Variants in MECOM observed in about 807,000 individuals in gnomAD.
MECOM encodes histone-lysine N-methyltransferase MECOM.
Under a neutral mutation model 116.3 loss-of-function variants are expected in MECOM, and 13 were observed. The observed-to-expected ratio is 0.11, with a 90% CI of 0.07 to 0.18. The LOEUF is 0.18. Among genes scored for constraint, MECOM ranks in the 10% least tolerant of loss-of-function variants. The pLI, the probability that MECOM is intolerant of heterozygous loss-of-function variation, is 1.00. For missense variants in MECOM, 1,299 were observed against 1,509.0 expected, an observed-to-expected ratio of 0.86 and a Z score of 2.31; for synonymous variants, 528 against 535.2, an observed-to-expected ratio of 0.99 and a Z score of 0.19.
At chr3:169,267,706 A>G (rs1271450056) in intron 2 of MECOM, among the ~76,000 whole-genome samples, 1 of 152,138 alleles carries the variant, frequency 6.6e-6, no homozygotes, top group East Asian at 1.9e-4. Flanking sequence ...TCCTTCCTGA[A>G]TACTACTGGG....
intron 2 of MECOM, among the ~76,000 whole-genome samples, chr3:169,285,849 T>G (rs1218436690): frequency 2.0e-5 from 3 of 152,200 alleles, no homozygotes; most frequent in African/African-American, 7.2e-5. Flanking sequence ...AGTAACATGT[T>G]TGCTTCAGGC....
At chr3:169,304,199 G>T (rs1252272967) in intron 2 of MECOM, among the ~76,000 whole-genome samples, 1 of 152,178 alleles carries the variant, frequency 6.6e-6, no homozygotes, top group South Asian at 2.1e-4. Flanking sequence ...TGCATGTAAT[G>T]ACAGCCTTGA....
At chr3:169,278,797 T>G (rs1388380507) in intron 2 of MECOM, among the ~76,000 whole-genome samples, 3 of 152,246 alleles carry the variant, frequency 2.0e-5, no homozygotes, top group Non-Finnish European at 4.4e-5. Context: ...AAGCTCCTTC[T>G]GGTCGGTCCC....
intron 2 of MECOM, among the ~76,000 whole-genome samples, chr3:169,327,639 CA>C (rs771134017): frequency 0.035 from 2,404 of 69,514 alleles, 22 homozygotes; most frequent in African/African-American, 0.1. Flanking sequence ...GACTGTGTCT[CA>C]AAAAAAAAAA....
At chr3:169,428,988 A>G (rs1741162826) in intron 1 of MECOM, among the ~76,000 whole-genome samples, 1 of 149,570 alleles carries the variant, frequency 6.7e-6, no homozygotes, top group Admixed American at 6.6e-5. Flanking sequence ...TAGAAAACAA[A>G]GCCAAAAATA....
At chr3:169,359,200 C>A (rs1444793395) in intron 2 of MECOM, among the ~76,000 whole-genome samples, 2 of 151,730 alleles carry the variant, frequency 1.3e-5, no homozygotes, top group African/African-American at 4.8e-5. Context: ...ACTTATTTTT[C>A]TTTTCTCAAC....
chr3:169,521,873 G>C (rs1214218604), intron 1 of MECOM, among the ~76,000 whole-genome samples: 1 of 152,114 alleles, frequency 6.6e-6, no homozygotes. Context: ...CCTTGAATAA[G>C]TACAGAATTT....
chr3:169,384,965 A>G (rs1733066541), intron 1 of MECOM, among the ~76,000 whole-genome samples: 1 of 151,932 alleles, frequency 6.6e-6, no homozygotes, highest in African/African-American at 2.4e-5. Flanking sequence ...TTAGCCGGGC[A>G]TAGTGGTGCA....
chr3:169,359,790 T>C (rs1222003130), intron 2 of MECOM, among the ~76,000 whole-genome samples: 1 of 151,794 alleles, frequency 6.6e-6, no homozygotes, highest in Non-Finnish European at 1.5e-5. Context: ...TAACTTCTTA[T>C]TAAACATTCC....
At chr3:169,505,344 C>A (rs1315988508) in intron 1 of MECOM, among the ~76,000 whole-genome samples, 3 of 150,120 alleles carry the variant, frequency 2.0e-5, no homozygotes, top group Non-Finnish European at 3.0e-5. Context: ...TATTTTATGC[C>A]CTTACCAAAG....
At chr3:169,255,692 A>G (rs1305227541) in intron 2 of MECOM, among the ~76,000 whole-genome samples, 1 of 152,262 alleles carries the variant, frequency 6.6e-6, no homozygotes, top group African/African-American at 2.4e-5. Context: ...TTGCACTGTT[A>G]TGACAACCAT....
intron 2 of MECOM, among the ~76,000 whole-genome samples, chr3:169,153,088 C>A (rs555416593): frequency 6.6e-6 from 1 of 151,950 alleles, no homozygotes; most frequent in Non-Finnish European, 1.5e-5. Flanking sequence ...AGCTATGATG[C>A]TGAGTGGTTA....
intron 1 of MECOM, among the ~76,000 whole-genome samples, chr3:169,642,799 CAA>C (rs34198855): frequency 5.4e-5 from 8 of 147,046 alleles, no homozygotes; most frequent in Admixed American, 6.8e-5. Flanking sequence ...GCCAACCTAT[CAA>C]AAAAAAAAAA....
At chr3:169,145,179 CACACACACACAGAGAG>C (rs1560271846) in intron 2 of MECOM, 1 of 410,132 alleles carries the variant, frequency 2.4e-6, no homozygotes, top group African/African-American at 2.8e-5. Context: ...CACACACACA[CACACACACACAGAGAG>C]AAATCAAACT....
At chr3:169,555,388 G>A (rs935994729) in intron 1 of MECOM, among the ~76,000 whole-genome samples, 71 of 152,170 alleles carry the variant, frequency 4.7e-4, no homozygotes, top group Non-Finnish European at 7.5e-4. Context: ...TGGCAAGGAA[G>A]GCAGAGAAGG....
chr3:169,380,316 T>C lies in MECOM; in HGVS notation c.375+871A>G, dbSNP rs188512376. Among the ~76,000 whole-genome samples the C allele has an allele frequency of 1.4e-3, 208 of 152,244 alleles. 1 individual carries two copies. Among genetic ancestry groups the C allele is most frequent in the African/African-American group, 4.8e-3 (198 of 41,580 alleles). On this transcript the variant is annotated intron_variant, in intron 2 of 16. Transcript: ENST00000651503. ...AGAAACTGTCTACAAGTTTTTCAGATAGAAACAAGATTTTCCAGAAATTAT... is the reference window on the plus strand; with the variant it reads ...AGAAACTGTCTACAAGTTTTTCAGACAGAAACAAGATTTTCCAGAAATTAT...
chr3:169,316,186 T>A (rs1446149738), intron 2 of MECOM, among the ~76,000 whole-genome samples: 2 of 152,208 alleles, frequency 1.3e-5, no homozygotes, highest in African/African-American at 4.8e-5. Context: ...CTGTTTAGTG[T>A]TGTATAATTT....
intron 1 of MECOM, among the ~76,000 whole-genome samples, chr3:169,394,777 C>G (rs1211879825): frequency 3.3e-5 from 5 of 152,096 alleles, no homozygotes; most frequent in Admixed American, 3.3e-4. Flanking sequence ...TAAGTCAAAA[C>G]AAGTCACCTG....
chr3:169,621,314 T>C (rs1005173124), intron 1 of MECOM, among the ~76,000 whole-genome samples: 1 of 152,218 alleles, frequency 6.6e-6, no homozygotes, highest in Non-Finnish European at 1.5e-5. Context: ...TGAGTTGTTG[T>C]GAGGACCAAG....
Sources: allele counts gnomAD v4.1 joint callset (sites outside exome capture counted in the v4.1 genomes callset), GRCh38; gene constraint gnomAD v4.1.1; transcripts MANE v1.5; gene names NCBI Gene and HGNC (gene_info 2026-07-23, HGNC 2026-07-21).